FARS2: variants seen among roughly 807,000 people sequenced by gnomAD.
FARS2 encodes the protein phenylalanine--tRNA ligase, mitochondrial.
Under a neutral mutation model 46.4 loss-of-function variants are expected in FARS2, and 40 were observed. The ratio of observed to expected loss-of-function variants is 0.86; its 90% CI spans 0.67 to 1.12. FARS2 has a LOEUF of 1.12. Ranked by LOEUF, FARS2 falls within the 50% of genes most tolerant of loss-of-function variation. The pLI, the probability that FARS2 is intolerant of heterozygous loss-of-function variation, is 0.00. For synonymous variants in FARS2, 234 were observed against 214.9 expected, an observed-to-expected ratio of 1.09 and a Z score of -0.78; for missense variants, 513 against 567.9, an observed-to-expected ratio of 0.90 and a Z score of 0.98.
chr6:5,566,406 A>G (rs1198044350), intron 5 of FARS2, among the ~76,000 whole-genome samples: 1 of 152,158 alleles, frequency 6.6e-6, no homozygotes, highest in Non-Finnish European at 1.5e-5. Context: ...CAGATAACAC[A>G]AGCAAAACAG....
At chr6:5,257,251 G>GC (rs1049770020), upstream of FARS2, among the ~76,000 whole-genome samples, 3 of 151,770 alleles carry the variant, frequency 2.0e-5, no homozygotes, top group East Asian at 1.9e-4. Flanking sequence ...TCCTGTCACC[G>GC]CCCCCCCAAC....
intron 6 of FARS2, among the ~76,000 whole-genome samples, chr6:5,653,320 A>G (rs1051149376): frequency 1.3e-5 from 2 of 152,216 alleles, no homozygotes; most frequent in Non-Finnish European, 2.9e-5. Flanking sequence ...ACACTGATCT[A>G]CTGTAATCTG....
Position 5,471,438 on chromosome 6 carries a change from G to A in FARS2, c.904+40266G>A, listed in dbSNP as rs567256623. ...ATATCCCAACTAGCCCTTCATTTAC[G>A]AAGAACCAAAGGGAAACTCCAGGAC... is the stretch of plus-strand genomic sequence containing the variant. On this transcript the variant is annotated intron_variant, in intron 4 of 6. Transcript: ENST00000274680. The surrounding 1 kb of genome is among the most constrained non-coding windows in gnomAD (Gnocchi z 4.1). 6.6e-6 allele frequency among the ~76,000 whole-genome samples: 1 copy of A among 152,074 alleles called. No individual in the cohort carries two copies. The highest frequency in any genetic ancestry group is 2.1e-4 in the South Asian group (1 of 4,820).
intron 6 of FARS2, among the ~76,000 whole-genome samples, chr6:5,711,939 G>A (rs1759198156): frequency 1.3e-5 from 2 of 152,136 alleles, no homozygotes; most frequent in Non-Finnish European, 2.9e-5. Context: ...GTTAATATCA[G>A]GGGAACCTCA....
rs150526045 is a variant in FARS2, at chr6:5,489,321, G to C, written c.905-55859G>C. Among the ~76,000 whole-genome samples, 1,180 of 152,256 alleles carry C rather than the reference G, an allele frequency of 7.8e-3. 13 individuals are homozygous for C. Among genetic ancestry groups the C allele is most frequent in the Middle Eastern group, 0.02 (6 of 294 alleles). On this transcript the variant is annotated intron_variant, in intron 4 of 6. Coordinates refer to ENST00000274680, the MANE Select transcript of FARS2 (RefSeq NM_006567.5). ...GTACAAAAAATAGCCAGGCGTGATG[G>C]TGCACGCCTGTAGGCCCAGCTACTT...
intron 4 of FARS2, among the ~76,000 whole-genome samples, chr6:5,474,672 T>TC (rs1175756499): frequency 6.6e-6 from 1 of 150,546 alleles, no homozygotes; most frequent in Non-Finnish European, 1.5e-5. Context: ...TGTTTTTTTT[T>TC]TTTTTTTTGA....
At chr6:5,305,236 A>G (rs1385946843) in intron 1 of FARS2, among the ~76,000 whole-genome samples, 1 of 152,230 alleles carries the variant, frequency 6.6e-6, no homozygotes. Context: ...TAAACATTAC[A>G]TGCCTTCATG....
intron 1 of FARS2, among the ~76,000 whole-genome samples, chr6:5,360,612 CTTA>C (rs772305038): frequency 6.6e-6 from 1 of 152,276 alleles, no homozygotes; most frequent in South Asian, 2.1e-4. Flanking sequence ...TCCTGGTGAT[CTTA>C]TTATTTGCGT....
chr6:5,262,106 A>G (rs1050065965), intron 1 of FARS2, among the ~76,000 whole-genome samples: 2 of 152,238 alleles, frequency 1.3e-5, no homozygotes, highest in African/African-American at 2.4e-5. Flanking sequence ...TCTGCACTCA[A>G]GCACAGCGAG....
chr6:5,405,961 CACTT>C (rs1430468610), intron 3 of FARS2, among the ~76,000 whole-genome samples: 3 of 152,184 alleles, frequency 2.0e-5, no homozygotes, highest in African/African-American at 4.8e-5. Flanking sequence ...ATCTAGACCT[CACTT>C]AGTCACTTGC....
chr6:5,381,307 A>G (rs1251410697), intron 2 of FARS2, among the ~76,000 whole-genome samples: 4 of 150,482 alleles, frequency 2.7e-5, no homozygotes, highest in Non-Finnish European at 5.9e-5. Context: ...TATAGCAATG[A>G]TTTCTAATTT....
At chr6:5,556,116 T>G (rs1218535511) in intron 5 of FARS2, among the ~76,000 whole-genome samples, 2 of 152,160 alleles carry the variant, frequency 1.3e-5, no homozygotes, top group Non-Finnish European at 2.9e-5. Flanking sequence ...TATTGCATCC[T>G]ACAGTCTATC....
At chr6:5,709,735 T>TGC (rs1318941301) in intron 6 of FARS2, among the ~76,000 whole-genome samples, 24 of 114,646 alleles carry the variant, frequency 2.1e-4, no homozygotes, top group Middle Eastern at 4.4e-3. Flanking sequence ...TGGGGTTGTG[T>TGC]GTGTGTGTGT....
At chr6:5,586,692 A>G (rs1156883573) in intron 5 of FARS2, among the ~76,000 whole-genome samples, 1 of 152,078 alleles carries the variant, frequency 6.6e-6, no homozygotes, top group Non-Finnish European at 1.5e-5. Flanking sequence ...TGCCTAATTT[A>G]GGAATGAGAT....
At chr6:5,626,941 G>A (rs938506710) in intron 6 of FARS2, among the ~76,000 whole-genome samples, 3 of 152,206 alleles carry the variant, frequency 2.0e-5, no homozygotes, top group South Asian at 4.1e-4. Flanking sequence ...AACCTGCACA[G>A]CATGTTACTG....
intron 1 of FARS2, among the ~76,000 whole-genome samples, chr6:5,346,009 G>A (rs981061414): frequency 6.6e-6 from 1 of 152,188 alleles, no homozygotes; most frequent in Non-Finnish European, 1.5e-5. Flanking sequence ...AGGGCATGGC[G>A]GTGTGGGAGA....
chr6:5,716,782 T>C (rs1193384643), intron 6 of FARS2, among the ~76,000 whole-genome samples: 2 of 152,310 alleles, frequency 1.3e-5, no homozygotes, highest in African/African-American at 2.4e-5. Flanking sequence ...TAACAAAGGA[T>C]ACAGATGAAG....
intron 6 of FARS2, among the ~76,000 whole-genome samples, chr6:5,686,346 C>A (rs1050026844): frequency 6.7e-5 from 10 of 148,750 alleles, no homozygotes; most frequent in South Asian, 2.1e-4. Context: ...ATGCTCTCCC[C>A]CCCCGCTGCC....
intron 5 of FARS2, among the ~76,000 whole-genome samples, chr6:5,589,963 C>A (rs1376772601): frequency 6.6e-6 from 1 of 152,216 alleles, no homozygotes; most frequent in East Asian, 1.9e-4. Context: ...CCCCACCCTG[C>A]ATAGCTATGA....
Sources: gnomAD v4.1 joint callset for allele counts (sites outside exome capture counted in the v4.1 genomes callset) on GRCh38, gnomAD v4.1.1 for gene constraint, Gnocchi (gnomAD v3.1) non-coding constraint, MANE v1.5 for transcripts, NCBI Gene and HGNC (gene_info 2026-07-23, HGNC 2026-07-21) for gene names.